PTP4A3: variants seen among roughly 807,000 people sequenced by gnomAD.
PTP4A3 encodes the protein protein tyrosine phosphatase type IVA 3.
PTP4A3 carries 9 observed loss-of-function variants against 15.2 expected under a neutral mutation model. That is an observed-to-expected ratio of 0.59 (90% CI 0.36 to 1.03). PTP4A3 has a LOEUF of 1.03. Ranked by LOEUF, PTP4A3 falls within the 50% of genes least tolerant of loss-of-function variation. PTP4A3 has a pLI of 0.02. For missense variants in PTP4A3, 234 were observed against 252.1 expected (o/e 0.93, Z 0.49); for synonymous variants, 95 against 102.0 (o/e 0.93, Z 0.41).
rs376339909 is a variant in PTP4A3 at position 141,421,931 on chromosome 8, G to C, written c.-310G>C. The C allele has an allele frequency of 6.4e-4, 247 of 386,672 alleles. No homozygotes were observed. The highest frequency in any genetic ancestry group is 4.5e-3 in the African/African-American group (216 of 47,588). The allele number at this position is 386,672 out of a possible 1,614,324, so 24.0% of individuals were successfully genotyped here. A position where few individuals can be genotyped will look rare whatever the true frequency, so the allele number is the denominator to read the frequency against. On this transcript the variant is annotated 5_prime_UTR_variant, in exon 2 of 6. Coordinates refer to ENST00000521578, the MANE Select transcript of PTP4A3 (RefSeq NM_032611.3). ...ATGACTATCCAGCTCTGAGAGACGG[G>C]AGTTTGGAGTTGCCCGCTTTACTTT...
At chr8:141,397,192 C>G (rs1421513868) in intron 1 of PTP4A3, among the ~76,000 whole-genome samples, 2 of 152,212 alleles carry the variant, frequency 1.3e-5, no homozygotes, top group Non-Finnish European at 2.9e-5. Flanking sequence ...GGGAAGGTGG[C>G]TGCCAGGGTG....
chr8:141,422,730 C>T (rs910072645), intron 2 of PTP4A3, among the ~76,000 whole-genome samples: 19 of 152,302 alleles, frequency 1.2e-4, no homozygotes, highest in South Asian at 4.1e-4. Flanking sequence ...TGTTGCTGGG[C>T]TCTGGATGAG....
In PTP4A3 at chr8:141,422,194, C is replaced by T. The variant is rs1216432791; in HGVS notation, c.-47C>T. The stretch of plus-strand genomic sequence containing the variant: ...GGGACTTCTCAGGTCGTGTCCCCAG[C>T]CTTCTCTGCAGTCCCTTCTGCCCTG... On this transcript the variant is annotated 5_prime_UTR_variant, in exon 2 of 6. Coordinates refer to ENST00000521578, the MANE Select transcript of PTP4A3 (RefSeq NM_032611.3). 1 of 1,593,846 alleles carries T rather than the reference C, an allele frequency of 6.3e-7. No individual in the cohort carries two copies. Among genetic ancestry groups the T allele is most frequent in the Admixed American group, 1.7e-5 (1 of 59,718 alleles).
intron 5 of PTP4A3, among the ~76,000 whole-genome samples, chr8:141,428,237 C>T (rs1482335411): frequency 6.6e-6 from 1 of 152,106 alleles, no homozygotes; most frequent in Non-Finnish European, 1.5e-5. Context: ...CTCAGGACTA[C>T]TCTGAGTCTA....
At position 141,418,294 on chromosome 8, in the gene PTP4A3, C is replaced by T. The variant is rs967538525; in HGVS notation, c.-853-3094C>T. On this transcript the variant is annotated intron_variant, in intron 1 of 5. Transcript: ENST00000521578. ...CCCAAAATCACAGGGGGCGCCCTGT[C>T]TGAAGCGGGGGCTGGATTCAAACTT... 3.3e-5 allele frequency among the ~76,000 whole-genome samples: 5 copies of T among 152,352 alleles called. No individual in the cohort carries two copies. In the East Asian group the frequency reaches 7.7e-4, roughly 24 times the overall value.
intron 1 of PTP4A3, among the ~76,000 whole-genome samples, chr8:141,401,287 C>T (rs1472154298): frequency 2.6e-5 from 4 of 152,094 alleles, no homozygotes; most frequent in Non-Finnish European, 4.4e-5. Context: ...CACGTCCTGT[C>T]GTTGAGGTGA....
rs1833898937 is a variant in PTP4A3, at chr8:141,432,046, G to A, written c.*1002G>A. ...AGGGCCCGCCGGAGGGCGTGGACCA[G>A]ATGCTCATGTGTTCCTGGGTGCAGT... On this transcript the variant is annotated 3_prime_UTR_variant, in exon 6 of 6. Coordinates refer to ENST00000521578, the MANE Select transcript of PTP4A3 (RefSeq NM_032611.3). 1 of 152,476 alleles carries A rather than the reference G, an allele frequency of 6.6e-6. No homozygotes were observed. 9.4% of individuals were successfully genotyped at this position (152,476 alleles called of 1,614,324 possible).
chr8:141,418,285 G>A (rs985075748), intron 1 of PTP4A3, among the ~76,000 whole-genome samples: 8 of 152,254 alleles, frequency 5.3e-5, no homozygotes, highest in Admixed American at 3.9e-4. Flanking sequence ...ATCACAGGGG[G>A]CGCCCTGTCT....
intron 1 of PTP4A3, among the ~76,000 whole-genome samples, chr8:141,402,138 T>C (rs1832609703): frequency 1.3e-5 from 2 of 151,978 alleles, no homozygotes; most frequent in South Asian, 2.1e-4. Context: ...TCTAGAAACA[T>C]TGGAGGCCGC....
chr8:141,411,553 C>T (rs1341462568), intron 1 of PTP4A3, among the ~76,000 whole-genome samples: 1 of 152,250 alleles, frequency 6.6e-6, no homozygotes, highest in East Asian at 1.9e-4. Context: ...GCCAGCTTGG[C>T]AGCGCTTGGG....
chr8:141,396,468 G>A (rs1832453849), intron 1 of PTP4A3, among the ~76,000 whole-genome samples: 1 of 152,166 alleles, frequency 6.6e-6, no homozygotes, highest in African/African-American at 2.4e-5. Flanking sequence ...TCATCAGGTG[G>A]TATGGAATCT....
At chr8:141,426,862 C>T in intron 3 of PTP4A3, 77 bp from the exon 4 acceptor site, 3 of 1,539,296 alleles carry the variant, frequency 1.9e-6, no homozygotes, top group South Asian at 1.2e-5. Context: ...TCAGAGCTCC[C>T]TTTCCTCGCC....
chr8:141,422,392 G>A (rs754086412), intron 2 of PTP4A3, 47 bp downstream of exon 2: 184 of 1,607,000 alleles, frequency 1.1e-4, no homozygotes, highest in Admixed American at 2.3e-4. Flanking sequence ...AGGTGTCTGG[G>A]AAGCCCGGCT....
chr8:141,414,225 C>T (rs1211884738), intron 1 of PTP4A3, among the ~76,000 whole-genome samples: 2 of 152,174 alleles, frequency 1.3e-5, no homozygotes, highest in Admixed American at 6.5e-5. Context: ...TCTGAGCCAC[C>T]GACTTGGCCT....
rs376532003 is a variant in PTP4A3, at chr8:141,422,257, G to A, written c.17G>A (p.Arg6His). 2.7e-5 allele frequency: 44 copies of A among 1,612,892 alleles called. No individual in the cohort carries two copies. The highest frequency in any genetic ancestry group is 6.7e-5 in the Admixed American group (4 of 60,014). MARMN[R>H]PAPVEVSYKH... ...GGAGGCGCCATGGCTCGGATGAACC[G>A]CCCGGCCCCGGTGGAGGTGAGCTAC... The change falls in exon 2 of 6, where the codon CGC becomes CAC. Residue 6 changes from arginine to histidine, a missense_variant. Physicochemically the swap from Arg to His is conservative, Grantham distance 29. Coordinates refer to ENST00000521578, the MANE Select transcript of PTP4A3 (RefSeq NM_032611.3).
At chr8:141,396,360 C>T (rs142545475) in intron 1 of PTP4A3, among the ~76,000 whole-genome samples, 25 of 152,286 alleles carry the variant, frequency 1.6e-4, no homozygotes, top group Admixed American at 3.3e-4. Context: ...GGAATTTGAA[C>T]GCTGGCCATG....
intron 1 of PTP4A3, among the ~76,000 whole-genome samples, chr8:141,396,842 G>C (rs549346724): frequency 6.6e-6 from 1 of 152,172 alleles, no homozygotes; most frequent in African/African-American, 2.4e-5. Context: ...ACAAGCTGAC[G>C]TGCGGGTCCT....
At chr8:141,413,887 G>A (rs1301916334) in intron 1 of PTP4A3, among the ~76,000 whole-genome samples, 2 of 150,678 alleles carry the variant, frequency 1.3e-5, no homozygotes, top group African/African-American at 5.0e-5. Context: ...AGGAGGACAT[G>A]GAGGATTCAG....
rs80043353 is a variant in PTP4A3 at position 141,418,574 on chromosome 8, G to A, written c.-853-2814G>A. ...AGAAATAGCTGAGGGCTCTGGGCCT[G>A]CTGGCCCGAGGAGGCTGAGCCAGAT... is the stretch of plus-strand genomic sequence containing the variant. On this transcript the variant is annotated intron_variant, in intron 1 of 5. Transcript: ENST00000521578. Among the ~76,000 whole-genome samples, 1,346 of 152,336 alleles carry A rather than the reference G, an allele frequency of 8.8e-3. 25 individuals carry two copies. Among genetic ancestry groups the A allele is most frequent in the African/African-American group, 0.031 (1,274 of 41,582 alleles).
Sources: gnomAD v4.1 joint callset for allele counts (sites outside exome capture counted in the v4.1 genomes callset) on GRCh38, gnomAD v4.1.1 for gene constraint, MANE v1.5 for transcripts, NCBI Gene and HGNC (gene_info 2026-07-23, HGNC 2026-07-21) for gene names.